SQSTM1: variants seen among roughly 807,000 people sequenced by gnomAD.
SQSTM1 encodes the protein sequestosome-1.
SQSTM1 carries 36 observed loss-of-function variants against 45.1 expected under a neutral mutation model. The ratio of observed to expected loss-of-function variants is 0.80; its 90% CI spans 0.61 to 1.05. The LOEUF (loss-of-function observed/expected upper bound fraction) is 1.05. Among genes scored for constraint, SQSTM1 ranks in the 50% least tolerant of loss-of-function variants. SQSTM1 has a pLI of 0.00. For synonymous variants in SQSTM1, 290 were observed against 244.3 expected (o/e 1.19, Z -1.74); for missense variants, 617 against 607.1 (o/e 1.02, Z -0.17).
chr5:179,832,392 C>T (rs1383440860), intron 5 of SQSTM1, among the ~76,000 whole-genome samples: 1 of 152,210 alleles, frequency 6.6e-6, no homozygotes, highest in African/African-American at 2.4e-5. Flanking sequence ...GTGCAGGTTC[C>T]CTGTGGGGCC....
At chr5:179,816,767 GC>G (rs1215321182), upstream of SQSTM1, among the ~76,000 whole-genome samples, 10 of 149,980 alleles carry the variant, frequency 6.7e-5, no homozygotes, top group Admixed American at 4.8e-4. Flanking sequence ...TCTTCCTCCA[GC>G]CCCCCTCCCT....
intron 2 of SQSTM1, chr5:179,812,165 A>G (rs982971501): frequency 6.6e-6 from 1 of 152,274 alleles, no homozygotes; most frequent in African/African-American, 2.4e-5. Flanking sequence ...GAAAGAACAG[A>G]TTAAGGAATG....
In SQSTM1 at chr5:179,823,894, G is replaced by A. The variant is rs1357321866; in HGVS notation, c.338G>A (p.Cys113Tyr). 2 of 1,613,184 alleles carry A rather than the reference G, an allele frequency of 1.2e-6. No individual in the cohort carries two copies. Among genetic ancestry groups the A allele is most frequent in the Non-Finnish European group, 1.7e-6 (2 of 1,180,030 alleles). The change falls in exon 3 of 8, where the codon TGT becomes TAT. Residue 113 changes from cysteine to tyrosine, a missense_variant. Coordinates refer to ENST00000389805, the MANE Select transcript of SQSTM1 (RefSeq NM_003900.5). ...KECRRDHRPP[C>Y]AQEAPRNMVH... is the part of the protein sequence containing the mutation. ...TGCCGGCGGGACCACCGCCCACCGT[G>A]TGCTCAGGAGGCGCCCCGCAACATG...
chr5:179,837,989 CTT>C lies in SQSTM1; in HGVS notation c.*1398_*1399del, dbSNP rs1758687859. 1 of 1,104,278 alleles carries C rather than the reference CTT, an allele frequency of 9.1e-7. No individual in the cohort carries two copies. 68.4% of individuals were successfully genotyped at this position (1,104,278 alleles called of 1,614,324 possible). The stretch of plus-strand genomic sequence containing the variant: ...CTTGGCTGGGCCTCTGGTTCTGACA[CTT>C]TCTGCTGGAAGCTGTCAGGCTGGGA... On this transcript the variant is annotated 3_prime_UTR_variant, in exon 8 of 8. Transcript: ENST00000389805.
intron 1 of SQSTM1, among the ~76,000 whole-genome samples, chr5:179,809,078 C>T (rs1408018139): frequency 1.5e-4 from 23 of 149,012 alleles, no homozygotes; most frequent in African/African-American, 5.2e-4. Context: ...AGGATGGTCT[C>T]GATCTCCTGA....
chr5:179,834,001 G>A lies in SQSTM1; in HGVS notation c.1165+219G>A, dbSNP rs248237. Among the ~76,000 whole-genome samples the A allele has an allele frequency of 0.67, 101,029 of 151,870 alleles. 35,179 individuals are homozygous for A. The highest frequency in any genetic ancestry group is 0.87 in the African/African-American group (36,247 of 41,430). ...GCAGTTCTGAAAATGTTTTTCTTTA[G>A]GCAAACTCCAGAGCCAGGAATATTA... On this transcript the variant is annotated intron_variant, in intron 7 of 7. Coordinates refer to ENST00000389805, the MANE Select transcript of SQSTM1 (RefSeq NM_003900.5).
chr5:179,821,925 T>A (rs886514753), intron 1 of SQSTM1, among the ~76,000 whole-genome samples: 1 of 151,024 alleles, frequency 6.6e-6, no homozygotes, highest in Non-Finnish European at 1.5e-5. Context: ...GCTGCCAGCA[T>A]ACCAGGCCCT....
chr5:179,836,221 C>G, intron 7 of SQSTM1: 2 of 630,850 alleles, frequency 3.2e-6, no homozygotes, highest in Non-Finnish European at 2.8e-6. Context: ...ACCTGGCTGC[C>G]TGGTGTCGCA....
chr5:179,823,567 G>T, intron 2 of SQSTM1: 1 of 511,098 alleles, frequency 2.0e-6, no homozygotes. Context: ...GCTTGGGTTA[G>T]GGATGGGGTC....
chr5:179,818,435 C>G (rs1027179217), upstream of SQSTM1, among the ~76,000 whole-genome samples: 1 of 152,214 alleles, frequency 6.6e-6, no homozygotes, highest in African/African-American at 2.4e-5. Flanking sequence ...ACACTTGACT[C>G]CACGCCCCAA....
At chr5:179,814,059 G>A (rs979312411), upstream of SQSTM1, among the ~76,000 whole-genome samples, 1 of 152,340 alleles carries the variant, frequency 6.6e-6, no homozygotes, top group Admixed American at 6.5e-5. Flanking sequence ...TACTTGAGAG[G>A]CAGAGGTGGG....
At chr5:179,808,982 C>T (rs1040370317) in intron 1 of SQSTM1, among the ~76,000 whole-genome samples, 23 of 151,056 alleles carry the variant, frequency 1.5e-4, no homozygotes, top group Non-Finnish European at 2.5e-4. Context: ...CTCAGCCTCC[C>T]GAGTAGCTGG....
intron 4 of SQSTM1, 95 bp from the exon 5 acceptor site, chr5:179,825,051 C>T (rs957658945): frequency 8.4e-6 from 11 of 1,302,378 alleles, no homozygotes; most frequent in East Asian, 4.7e-5. Flanking sequence ...AAAGGTCACC[C>T]GGGAACACAG....
rs1033321881 is a variant in SQSTM1, at chr5:179,821,096, C to T, written c.160C>T (p.Leu54=). 34 of 1,434,352 alleles carry T rather than the reference C, an allele frequency of 2.4e-5. No homozygotes were observed. The highest frequency in any genetic ancestry group is 3.0e-5 in the Non-Finnish European group (33 of 1,096,920). 88.9% of individuals were successfully genotyped at this position (1,434,352 alleles called of 1,614,324 possible). Residue 54 remains leucine, a synonymous_variant, in exon 1 of 8, where the codon CTG becomes TTG. Transcript: ENST00000389805. ...CERLLSRVAA[L]FPALRPGGFQ... is the part of the protein sequence containing the mutation. ...GCGGCTGCTGAGCCGGGTGGCCGCC[C>T]TGTTCCCCGCGCTGCGGCCTGGCGG... is the stretch of plus-strand genomic sequence containing the variant.
chr5:179,825,110 A>G (rs1360583678), intron 4 of SQSTM1, 36 bp from the exon 5 acceptor site: 1 of 1,603,760 alleles, frequency 6.2e-7, no homozygotes, highest in Admixed American at 1.7e-5. Flanking sequence ...CCAAGGCATT[A>G]AAGATATCTT....
chr5:179,833,312 C>G, intron 6 of SQSTM1, 66 bp downstream of exon 6: 1 of 1,437,324 alleles, frequency 7.0e-7, no homozygotes, highest in Non-Finnish European at 9.4e-7. Flanking sequence ...CCTGCACCTC[C>G]GCCTCATCCT....
chr5:179,836,531 A>C lies in SQSTM1; in HGVS notation c.1261A>C (p.Asn421His), dbSNP rs1758564475. The change falls in exon 8 of 8, where the codon AAC becomes CAC. Residue 421 changes from asparagine (N) to histidine (H), a missense_variant. Physicochemically the swap from Asn to His is moderately conservative, Grantham distance 68. Coordinates refer to ENST00000389805, the MANE Select transcript of SQSTM1 (RefSeq NM_003900.5). ...GCTCACCAGGCTCCTGCAGACCAAG[A>C]ACTATGACATCGGAGCGGCTCTGGA... ...GWLTRLLQTK[N>H]YDIGAALDTI... 1 of 1,614,172 alleles carries C rather than the reference A, an allele frequency of 6.2e-7. No homozygotes were observed. The highest frequency in any genetic ancestry group is 8.5e-7 in the Non-Finnish European group (1 of 1,180,028).
At chr5:179,812,436 A>T (rs1352167478) in intron 2 of SQSTM1, 1 of 152,174 alleles carries the variant, frequency 6.6e-6, no homozygotes, top group Non-Finnish European at 1.5e-5. Context: ...GGCCGCCTGG[A>T]CTGCAGAAGG....
intron 2 of SQSTM1, 64 bp from the exon 3 acceptor site, chr5:179,823,794 T>A (rs2076494690): frequency 1.3e-6 from 2 of 1,558,628 alleles, no homozygotes; most frequent in Non-Finnish European, 1.8e-6. Context: ...AGCCCCACAG[T>A]GACGACAGAG....
Sources: gnomAD v4.1 joint callset for allele counts (sites outside exome capture counted in the v4.1 genomes callset) on GRCh38, gnomAD v4.1.1 for gene constraint, MANE v1.5 for transcripts, NCBI Gene and HGNC (gene_info 2026-07-23, HGNC 2026-07-21) for gene names.